Variants in TMEM123 observed in about 807,000 individuals in gnomAD.
TMEM123 encodes porimin.
In TMEM123, 16 loss-of-function variants were observed where a neutral mutation model predicts 19.7. The ratio of observed to expected loss-of-function variants is 0.81; its 90% CI spans 0.55 to 1.23. The LOEUF is 1.23. TMEM123 is among the 50% of genes most tolerant of loss of function. The pLI, the probability that TMEM123 is intolerant of heterozygous loss-of-function variation, is 0.00. For missense variants in TMEM123, 313 were observed against 257.8 expected, an observed-to-expected ratio of 1.21 and a Z score of -1.47; for synonymous variants, 118 against 99.4, an observed-to-expected ratio of 1.19 and a Z score of -1.12.
intron 1 of TMEM123, 38 bp downstream of exon 1, chr11:102,452,486 T>G (rs1465551260): frequency 7.0e-7 from 1 of 1,418,492 alleles, no homozygotes; most frequent in East Asian, 2.8e-5. Flanking sequence ...GCGCGCTGCC[T>G]CCCACGAACG....
chr11:102,441,499 G>T (rs182334362), intron 2 of TMEM123, among the ~76,000 whole-genome samples: 1 of 151,862 alleles, frequency 6.6e-6, no homozygotes, highest in Admixed American at 6.6e-5. Context: ...ACCCAATGAG[G>T]ACAAAGACAC....
chr11:102,436,677 G>T (rs909611395), intron 2 of TMEM123, among the ~76,000 whole-genome samples: 1 of 152,024 alleles, frequency 6.6e-6, no homozygotes, highest in African/African-American at 2.4e-5. Context: ...CATACATCTG[G>T]GAAAAATTAT....
At chr11:102,402,792 C>T (rs1055927612) in intron 2 of TMEM123, among the ~76,000 whole-genome samples, 1 of 152,210 alleles carries the variant, frequency 6.6e-6, no homozygotes, top group African/African-American at 2.4e-5. Context: ...AGCTGTCATA[C>T]TGGTAATAAT....
At chr11:102,435,614 A>G (rs544167665) in intron 2 of TMEM123, among the ~76,000 whole-genome samples, 11 of 152,110 alleles carry the variant, frequency 7.2e-5, no homozygotes, top group Non-Finnish European at 1.3e-4. Flanking sequence ...TGTCCACGCA[A>G]AAGTGTTTAC....
rs1951866324 is a variant in TMEM123 at position 102,397,386 on chromosome 11, G to C, written c.*1481C>G. 6.6e-6 allele frequency: 1 copy of C among 152,028 alleles called. No individual in the cohort carries two copies. Among genetic ancestry groups the C allele is most frequent in the Non-Finnish European group, 1.5e-5 (1 of 67,990 alleles). The allele number at this position is 152,028 out of a possible 1,614,324, so 9.4% of individuals were successfully genotyped here. On this transcript the variant is annotated 3_prime_UTR_variant, in exon 5 of 5. Transcript: ENST00000398136. ...TTCAGAAACTGGTGTGATTCACTTT[G>C]GCCCTCTGAGATAGAAATGCCATCT...
intron 2 of TMEM123, among the ~76,000 whole-genome samples, chr11:102,417,436 G>A (rs553503931): frequency 1.3e-5 from 2 of 152,170 alleles, no homozygotes; most frequent in South Asian, 4.2e-4. Flanking sequence ...CAAATACCTA[G>A]GAATACAGTT....
chr11:102,416,943 C>CATA (rs1458812442), intron 2 of TMEM123, among the ~76,000 whole-genome samples: 5 of 152,042 alleles, frequency 3.3e-5, no homozygotes, highest in African/African-American at 1.2e-4. Flanking sequence ...ATTCAAAATC[C>CATA]CTTTATGTTA....
chr11:102,446,675 A>G (rs1857887330), intron 2 of TMEM123, among the ~76,000 whole-genome samples: 1 of 152,240 alleles, frequency 6.6e-6, no homozygotes, highest in Non-Finnish European at 1.5e-5. Flanking sequence ...TGAATAAATC[A>G]TAGATTTCAC....
intron 2 of TMEM123, among the ~76,000 whole-genome samples, chr11:102,417,126 T>C (rs1040379851): frequency 1.3e-5 from 2 of 152,200 alleles, no homozygotes; most frequent in Middle Eastern, 3.4e-3. Context: ...AAGACAGTAC[T>C]GGAAGTCCTA....
At chr11:102,403,406 T>C (rs1951929577) in intron 2 of TMEM123, among the ~76,000 whole-genome samples, 1 of 152,242 alleles carries the variant, frequency 6.6e-6, no homozygotes, top group Non-Finnish European at 1.5e-5. Context: ...GAAGCAAACC[T>C]TTCTGTGTTA....
intron 2 of TMEM123, among the ~76,000 whole-genome samples, chr11:102,429,081 CAG>C (rs1442610689): frequency 1.3e-5 from 2 of 152,008 alleles, no homozygotes; most frequent in Non-Finnish European, 2.9e-5. Flanking sequence ...TAGAATACAC[CAG>C]GATGGACAAC....
intron 2 of TMEM123, among the ~76,000 whole-genome samples, chr11:102,428,885 C>T (rs1210287707): frequency 6.6e-6 from 1 of 152,156 alleles, no homozygotes; most frequent in Non-Finnish European, 1.5e-5. Flanking sequence ...AAATCATTAC[C>T]ACTGACTGTG....
rs1951861113 is a variant in TMEM123 at position 102,396,939 on chromosome 11, G to T, written c.*1928C>A. 1 of 152,168 alleles carries T rather than the reference G, an allele frequency of 6.6e-6. No individual in the cohort carries two copies. Among genetic ancestry groups the T allele is most frequent in the Non-Finnish European group, 1.5e-5 (1 of 68,014 alleles). 9.4% of individuals were successfully genotyped at this position (152,168 alleles called of 1,614,324 possible). A position where few individuals can be genotyped will look rare whatever the true frequency, so the allele number is the denominator to read the frequency against. On this transcript the variant is annotated 3_prime_UTR_variant, in exon 5 of 5. Coordinates refer to ENST00000398136, the MANE Select transcript of TMEM123 (RefSeq NM_052932.3). ...GAAGTTCTGACTGACTTGAAGTAGT[G>T]AAATACCAAGAATGCAGTGGACAAA...
At position 102,397,638 on chromosome 11, in the gene TMEM123, GGAA is replaced by G. The variant is rs1175331056; in HGVS notation, c.*1226_*1228del. On this transcript the variant is annotated 3_prime_UTR_variant, in exon 5 of 5. Transcript: ENST00000398136. ...GAGGGAATATCCAAATCAGGAAGGA[GGAA>G]ATGTCCTCTCTAAAAATTCCTCTCA... 1 of 152,096 alleles carries G rather than the reference GGAA, an allele frequency of 6.6e-6. No homozygotes were observed. The allele number at this position is 152,096 out of a possible 1,614,324, so 9.4% of individuals were successfully genotyped here.
chr11:102,445,599 C>T (rs940766918), intron 2 of TMEM123, among the ~76,000 whole-genome samples: 1 of 152,320 alleles, frequency 6.6e-6, no homozygotes. Flanking sequence ...ATTCTTTCCA[C>T]TTCAGTAAGA....
At chr11:102,433,155 C>T (rs1203921480) in intron 2 of TMEM123, among the ~76,000 whole-genome samples, 1 of 151,862 alleles carries the variant, frequency 6.6e-6, no homozygotes, top group African/African-American at 2.4e-5. Flanking sequence ...GGCCACTGTC[C>T]TCCAGCCCCC....
chr11:102,416,866 T>G (rs1952046928), intron 2 of TMEM123, among the ~76,000 whole-genome samples: 1 of 152,080 alleles, frequency 6.6e-6, no homozygotes, highest in East Asian at 1.9e-4. Flanking sequence ...TAAACGTGAT[T>G]TATCACATAA....
chr11:102,425,203 T>G (rs535186244), intron 2 of TMEM123, among the ~76,000 whole-genome samples: 129 of 152,204 alleles, frequency 8.5e-4, no homozygotes, highest in Non-Finnish European at 1.3e-3. Flanking sequence ...GTGTAGCTCT[T>G]TTTTCATCTC....
chr11:102,425,112 C>A (rs984905860), intron 2 of TMEM123, among the ~76,000 whole-genome samples: 2 of 152,212 alleles, frequency 1.3e-5, no homozygotes, highest in Non-Finnish European at 2.9e-5. Context: ...GATCTCCAAG[C>A]AGCACCCAGG....
Sources: allele counts gnomAD v4.1 joint callset (sites outside exome capture counted in the v4.1 genomes callset), GRCh38; gene constraint gnomAD v4.1.1; transcripts MANE v1.5; gene names NCBI Gene and HGNC (gene_info 2026-07-23, HGNC 2026-07-21).